The following CDCA7L variants were observed in gnomAD, a reference collection of about 807,000 sequenced individuals.
The protein encoded by CDCA7L is cell division cycle associated 7 like.
In CDCA7L, 44 loss-of-function variants were observed where a neutral mutation model predicts 57.4. That is an observed-to-expected ratio of 0.77 (90% confidence interval 0.60 to 0.98). The LOEUF (loss-of-function observed/expected upper bound fraction) is 0.98, where lower values mean the gene tolerates loss of function less well. Ranked by LOEUF, CDCA7L falls within the 50% of genes least tolerant of loss-of-function variation. The pLI, the probability that CDCA7L is intolerant of heterozygous loss-of-function variation, is 0.00. For synonymous variants in CDCA7L, 236 were observed against 202.8 expected (o/e 1.16, Z -1.39); for missense variants, 644 against 580.6 (o/e 1.11, Z -1.12).
At chr7:21,928,388 T>G (rs1785890608) in intron 1 of CDCA7L, among the ~76,000 whole-genome samples, 1 of 151,988 alleles carries the variant, frequency 6.6e-6, no homozygotes, top group South Asian at 2.1e-4. Context: ...AAAACCAGAA[T>G]GCCTCTTCTC....
At chr7:21,906,485 C>G (rs772929155) in intron 5 of CDCA7L, 29 bp from the exon 6 acceptor site, 7 of 1,611,036 alleles carry the variant, frequency 4.3e-6, no homozygotes, top group Middle Eastern at 1.6e-4. Flanking sequence ...ACAGAGACAA[C>G]TGGGGACTCT....
intron 1 of CDCA7L, among the ~76,000 whole-genome samples, chr7:21,932,913 G>T: frequency 6.6e-6 from 1 of 151,392 alleles, no homozygotes; most frequent in East Asian, 1.9e-4. Context: ...TATGACAAAG[G>T]GCTAATATCC....
Position 21,916,908 on chromosome 7 carries a change from A to C in CDCA7L, c.25-14T>G, listed in dbSNP as rs771216747. 5 of 1,613,896 alleles carry C rather than the reference A, an allele frequency of 3.1e-6. No homozygotes were observed. The highest frequency in any genetic ancestry group is 2.5e-6 in the Non-Finnish European group (3 of 1,179,856). The stretch of plus-strand genomic sequence containing the variant: ...TTCTTTAGGGATCTGTTTTGGATTC[A>C]AAAGAGGCAGGATTAAACCAGGGGT... On this transcript the variant is annotated splice_polypyrimidine_tract_variant and intron_variant, in intron 1 of 9. Coordinates refer to ENST00000406877, the MANE Select transcript of CDCA7L (RefSeq NM_018719.5).
intron 1 of CDCA7L, among the ~76,000 whole-genome samples, chr7:21,930,333 T>C (rs1270524345): frequency 6.6e-6 from 1 of 152,132 alleles, no homozygotes; most frequent in Non-Finnish European, 1.5e-5. Flanking sequence ...GAGGGAAATT[T>C]ATAGCACTAA....
chr7:21,904,382 G>T, intron 7 of CDCA7L, 123 bp from the exon 8 acceptor site: 1 of 1,024,708 alleles, frequency 9.8e-7, no homozygotes, highest in Non-Finnish European at 1.4e-6. Context: ...AATCAAGCAG[G>T]ACTGTTTTCC....
rs562706987 is a variant in CDCA7L, at chr7:21,902,163, T to C, written c.*159A>G. 2.2e-5 allele frequency: 16 copies of C among 712,934 alleles called. No homozygotes were observed. Among genetic ancestry groups the C allele is most frequent in the African/African-American group, 1.5e-4 (8 of 54,604 alleles). 44.2% of individuals were successfully genotyped at this position (712,934 alleles called of 1,614,324 possible). A position where few individuals can be genotyped will look rare whatever the true frequency, so the allele number is the denominator to read the frequency against. ...GCTCTGCTGTCTTCCTGAGAAATCT[T>C]TGTAAGCATATAAACAATCTTTAAC... On this transcript the variant is annotated 3_prime_UTR_variant, in exon 10 of 10. Transcript: ENST00000406877.
At chr7:21,905,708 A>C in intron 6 of CDCA7L, 77 bp from the exon 7 acceptor site, 1 of 1,466,838 alleles carries the variant, frequency 6.8e-7, no homozygotes, top group South Asian at 1.4e-5. Context: ...TAAACTCTCA[A>C]AGATCTAGCA....
At chr7:21,903,699 A>T (rs1296622516) in intron 8 of CDCA7L, 1 of 122,458 alleles carries the variant, frequency 8.2e-6, no homozygotes, top group African/African-American at 3.6e-5. Context: ...AATTTATGGT[A>T]ACAGAGTGAG....
At chr7:21,926,391 T>C (rs1461657470) in intron 1 of CDCA7L, among the ~76,000 whole-genome samples, 2 of 152,188 alleles carry the variant, frequency 1.3e-5, no homozygotes, top group African/African-American at 4.8e-5. Context: ...CTACAAATCA[T>C]GTATCTAATA....
chr7:21,910,395 T>C lies in CDCA7L; in HGVS notation c.303+1222A>G, dbSNP rs180839021. Among the ~76,000 whole-genome samples, 694 of 152,272 alleles carry C rather than the reference T, an allele frequency of 4.6e-3. 9 individuals are homozygous for C. Among genetic ancestry groups the C allele is most frequent in the Non-Finnish European group, 4.0e-3 (269 of 68,014 alleles). ...GTTGCTACTCATAGCAAAAAATCACTATCAAACGAAGCAGCCTACCATGCG... is the reference window on the plus strand; with the variant it reads ...GTTGCTACTCATAGCAAAAAATCACCATCAAACGAAGCAGCCTACCATGCG... On this transcript the variant is annotated intron_variant, in intron 3 of 9. Transcript: ENST00000406877.
intron 9 of CDCA7L, chr7:21,902,581 A>AGATTCAGAGTTTATTC: frequency 1.7e-6 from 1 of 578,136 alleles, no homozygotes; most frequent in Admixed American, 3.0e-5. Context: ...AGAGTTTATT[A>AGATTCAGAGTTTATTC]ATTACATAAA....
Position 21,933,146 on chromosome 7 carries a change from A to C in CDCA7L, c.24+12635T>G, listed in dbSNP as rs541751382. ...GAATGGCGAACATTAAAAAGTCAGG[A>C]AACAACAGATGCTGGAGGGGATGTG... is the stretch of plus-strand genomic sequence containing the variant. On this transcript the variant is annotated intron_variant, in intron 1 of 9. Coordinates refer to ENST00000406877, the MANE Select transcript of CDCA7L (RefSeq NM_018719.5). Among the ~76,000 whole-genome samples, 16 of 152,192 alleles carry C rather than the reference A, an allele frequency of 1.1e-4. 1 individual carries two copies. The highest frequency in any genetic ancestry group is 3.3e-4 in the Admixed American group (5 of 15,288).
At chr7:21,916,624 T>C (rs1026761566) in intron 2 of CDCA7L, 130 bp downstream of exon 2, 1 of 847,668 alleles carries the variant, frequency 1.2e-6, no homozygotes, top group Non-Finnish European at 1.8e-6. Flanking sequence ...ACAGACATAA[T>C]GTTTCTAAAA....
In CDCA7L at chr7:21,908,527, AAAAAGCAC is replaced by A. The variant is rs1252660556; in HGVS notation, c.304-28_304-21del. 1 of 1,499,508 alleles carries A rather than the reference AAAAAGCAC, an allele frequency of 6.7e-7. No individual in the cohort carries two copies. The highest frequency in any genetic ancestry group is 2.3e-5 in the East Asian group (1 of 42,722). The allele number at this position is 1,499,508 out of a possible 1,614,324, so 92.9% of individuals were successfully genotyped here. A position where few individuals can be genotyped will look rare whatever the true frequency, so the allele number is the denominator to read the frequency against. Reference sequence around the variant, plus strand: ...CACGACCTAATAAAATAAGAGCAAGAAAAAGCACAAAGACACTGTTACAGACCCACAAA... The same window carrying A: ...CACGACCTAATAAAATAAGAGCAAGAAAAGACACTGTTACAGACCCACAAA... On this transcript the variant is annotated intron_variant, in intron 3 of 9. Transcript: ENST00000406877.
At chr7:21,944,054 C>T (rs575549551) in intron 1 of CDCA7L, among the ~76,000 whole-genome samples, 15 of 152,288 alleles carry the variant, frequency 9.8e-5, no homozygotes, top group Middle Eastern at 6.8e-3. Context: ...ATTCCAGATA[C>T]ATTTTCTGAC....
chr7:21,943,102 G>C (rs1786395011), intron 1 of CDCA7L, among the ~76,000 whole-genome samples: 1 of 152,208 alleles, frequency 6.6e-6, no homozygotes, highest in African/African-American at 2.4e-5. Context: ...GCTCCCATGA[G>C]CTGCACTGTT....
At chr7:21,926,131 T>C (rs943261148) in intron 1 of CDCA7L, among the ~76,000 whole-genome samples, 2 of 152,210 alleles carry the variant, frequency 1.3e-5, no homozygotes, top group African/African-American at 4.8e-5. Flanking sequence ...CAAAGGCATG[T>C]AGCTTGTTAG....
chr7:21,944,449 C>A (rs868675711), intron 1 of CDCA7L, among the ~76,000 whole-genome samples: 33 of 61,628 alleles, frequency 5.4e-4, no homozygotes, highest in East Asian at 1.9e-3. Flanking sequence ...ACTCCGTCTC[C>A]AAAAAAAAAA....
In CDCA7L at chr7:21,916,882, C is replaced by T; in HGVS notation, c.37G>A (p.Val13Met). The T allele has an allele frequency of 6.2e-7, 1 of 1,614,096 alleles. No homozygotes were observed. The highest frequency in any genetic ancestry group is 8.5e-7 in the Non-Finnish European group (1 of 1,179,990). ...CTGGGGGCGTTAAAGATGTCAGCCA[C>T]TTCTTTAGGGATCTGTTTTGGATTC... The part of the protein sequence containing the change: ...LATRYQIPKE[V>M]ADIFNAPSDD... Residue 13 changes from valine (V) to methionine (M), a missense_variant, in exon 2 of 10, where the codon GTG becomes ATG. Coordinates refer to ENST00000406877, the MANE Select transcript of CDCA7L (RefSeq NM_018719.5).
Sources: allele counts gnomAD v4.1 joint callset (sites outside exome capture counted in the v4.1 genomes callset), GRCh38; gene constraint gnomAD v4.1.1; transcripts MANE v1.5; gene names NCBI Gene and HGNC (gene_info 2026-07-23, HGNC 2026-07-21).